RBFOX1: variants seen among roughly 807,000 people sequenced by gnomAD.
RBFOX1 encodes the protein RNA binding protein fox-1 homolog 1.
RBFOX1 carries 8 observed loss-of-function variants against 57.7 expected under a neutral mutation model. That is an observed-to-expected ratio of 0.14 (90% CI 0.08 to 0.25). The LOEUF (loss-of-function observed/expected upper bound fraction) is 0.25. Among genes scored for constraint, RBFOX1 ranks in the 10% least tolerant of loss-of-function variants. RBFOX1 has a pLI of 1.00. For synonymous variants in RBFOX1, 326 were observed against 222.4 expected (o/e 1.47, Z -4.15); for missense variants, 611 against 548.5 (o/e 1.11, Z -1.14).
rs142375965 is a variant in RBFOX1, at chr16:5,813,662, G to T, written c.319-53641G>T. On this transcript the variant is annotated intron_variant, in intron 3 of 19. Coordinates refer to the RBFOX1 transcript ENST00000641259. ...TTATATAACAGGGATCCTGTATCAG[G>T]TATGTGATTTGCAAATAGTTTATCT... Among the ~76,000 whole-genome samples the T allele has an allele frequency of 6.2e-3, 937 of 152,308 alleles. 11 individuals are homozygous for T. Among genetic ancestry groups the T allele is most frequent in the African/African-American group, 0.021 (860 of 41,552 alleles).
intron 4 of RBFOX1, among the ~76,000 whole-genome samples, chr16:5,952,584 G>A (rs2059543481): frequency 2.0e-5 from 3 of 152,168 alleles, no homozygotes; most frequent in Admixed American, 2.0e-4. Context: ...ACCATGCCCA[G>A]CCTATGTATA....
At chr16:7,525,475 T>A (rs2078487346) in intron 5 of RBFOX1, among the ~76,000 whole-genome samples, 1 of 152,128 alleles carries the variant, frequency 6.6e-6, no homozygotes, top group African/African-American at 2.4e-5. Context: ...TACATGGACT[T>A]AAGATGTGGA....
rs2063308296 is a variant in RBFOX1, at chr16:5,282,971, A to G, written c.219+42866A>G. 2.0e-5 allele frequency among the ~76,000 whole-genome samples: 3 copies of G among 152,150 alleles called. No individual in the cohort carries two copies. In the South Asian group the frequency reaches 6.2e-4, roughly 31 times the overall value. On this transcript the variant is annotated intron_variant, in intron 1 of 2. Transcript: ENST00000585867. The stretch of plus-strand genomic sequence containing the variant: ...CCCATCAAAGGCCCAGAGGCCTAGG[A>G]AGAAAAGATGGTTTTGTGGGCTGGA...
intron 4 of RBFOX1, among the ~76,000 whole-genome samples, chr16:5,967,871 C>T (rs780251696): frequency 6.6e-6 from 1 of 152,082 alleles, no homozygotes; most frequent in African/African-American, 2.4e-5. Context: ...TGGGGACTGG[C>T]TGTTTTGTTT....
rs572159904 is a variant in RBFOX1, at chr16:7,456,006, G to A, written c.28-62141G>A. Among the ~76,000 whole-genome samples, 5 of 152,126 alleles carry A rather than the reference G, an allele frequency of 3.3e-5. No individual in the cohort carries two copies. In the East Asian group the frequency reaches 9.7e-4, roughly 30 times the overall value. ...ATTAAGGGCAGGGCCAGCTTTAAGG[G>A]CACATTCCCTGCATGGTCATGCAGG... is the stretch of plus-strand genomic sequence containing the variant. On this transcript the variant is annotated intron_variant, in intron 4 of 15. Transcript: ENST00000550418.
intron 1 of RBFOX1, among the ~76,000 whole-genome samples, chr16:5,266,611 G>T (rs150579059): frequency 6.9e-6 from 1 of 145,372 alleles, no homozygotes; most frequent in African/African-American, 2.6e-5. Context: ...ACAGTGGCAC[G>T]ATCATGGCTC....
At chr16:5,964,555 A>G (rs926788816) in intron 4 of RBFOX1, among the ~76,000 whole-genome samples, 8 of 152,164 alleles carry the variant, frequency 5.3e-5, no homozygotes, top group Non-Finnish European at 7.4e-5. Flanking sequence ...ATATATATGT[A>G]TATGTGTATA....
intron 10 of RBFOX1, among the ~76,000 whole-genome samples, chr16:7,623,623 C>A (rs189276880): frequency 3.9e-4 from 59 of 152,278 alleles, no homozygotes; most frequent in Non-Finnish European, 5.9e-4. Context: ...AAGCTTTGCT[C>A]GCTCACCTGC....
rs1307389520 is a variant in RBFOX1, at chr16:6,010,218, T to G, written c.351+142883T>G. ...CTGACAACTCTCTTTGGTCGCTGAA[T>G]TCTGCTCAACCCATGTCCAAGGAAG... On this transcript the variant is annotated intron_variant, in intron 4 of 19. Transcript: ENST00000641259. Among the ~76,000 whole-genome samples, 10 of 152,252 alleles carry G rather than the reference T, an allele frequency of 6.6e-5. 1 individual carries two copies. The South Asian group carries it at 1.0e-3, about 16-fold the overall frequency.
intron 4 of RBFOX1, among the ~76,000 whole-genome samples, chr16:6,005,156 A>C (rs145122603): frequency 6.6e-6 from 1 of 152,348 alleles, no homozygotes; most frequent in African/African-American, 2.4e-5. Flanking sequence ...AGATTTGCTG[A>C]GAAAGTCACA....
chr16:6,209,117 T>C (rs1022616520), intron 1 of RBFOX1, among the ~76,000 whole-genome samples: 11 of 152,342 alleles, frequency 7.2e-5, no homozygotes, highest in Admixed American at 3.3e-4. Flanking sequence ...AGGACAAACC[T>C]GTGACAGGAG....
chr16:7,299,442 AGAG>A (rs1223257407), intron 4 of RBFOX1, among the ~76,000 whole-genome samples: 1 of 152,168 alleles, frequency 6.6e-6, no homozygotes, highest in Non-Finnish European at 1.5e-5. Context: ...CTAGAAAGCT[AGAG>A]GAGTTTGAGG....
intron 2 of RBFOX1, among the ~76,000 whole-genome samples, chr16:6,533,986 T>C (rs997434507): frequency 5.9e-5 from 9 of 152,090 alleles, no homozygotes; most frequent in South Asian, 2.1e-4. Flanking sequence ...TGTGTATATA[T>C]ACACACACAC....
intron 2 of RBFOX1, among the ~76,000 whole-genome samples, chr16:6,603,905 G>C (rs1004268041): frequency 6.6e-6 from 1 of 152,066 alleles, no homozygotes; most frequent in East Asian, 1.9e-4. Context: ...TTTGTGATGT[G>C]TCTCAGCTCT....
intron 1 of RBFOX1, among the ~76,000 whole-genome samples, chr16:6,159,760 G>T (rs1392348530): frequency 3.3e-5 from 5 of 152,196 alleles, no homozygotes; most frequent in Admixed American, 3.3e-4. Flanking sequence ...GCAGGGATGT[G>T]ATTTGGTTCC....
In RBFOX1 at chr16:5,254,930, C is replaced by T. The variant is rs9929357; in HGVS notation, c.219+14825C>T. ...CAAGTATTTGATAAGATCTCTGTCC[C>T]CACTGTTGGGGAAGTCTTGATAAGC... On this transcript the variant is annotated intron_variant, in intron 1 of 2. Transcript: ENST00000585867. Among the ~76,000 whole-genome samples the T allele has an allele frequency of 1.2e-3, 182 of 152,234 alleles. 1 individual carries two copies. Among genetic ancestry groups the T allele is most frequent in the African/African-American group, 4.2e-3 (175 of 41,514 alleles).
At chr16:6,729,662 G>C (rs1444104371) in intron 3 of RBFOX1, among the ~76,000 whole-genome samples, 1 of 152,104 alleles carries the variant, frequency 6.6e-6, no homozygotes. Context: ...CTTTAGACTT[G>C]CAACCCTTAA....
intron 2 of RBFOX1, among the ~76,000 whole-genome samples, chr16:6,495,086 A>G (rs1038913308): frequency 5.1e-4 from 77 of 152,156 alleles, no homozygotes; most frequent in African/African-American, 1.8e-3. Context: ...CATTTTAACC[A>G]CTAATCAATG....
intron 3 of RBFOX1, among the ~76,000 whole-genome samples, chr16:5,809,018 G>A (rs926294376): frequency 6.6e-6 from 1 of 152,076 alleles, no homozygotes; most frequent in African/African-American, 2.4e-5. Flanking sequence ...CCCTAACGCT[G>A]CGTATCTACA....
Sources: gnomAD v4.1 joint callset for allele counts (sites outside exome capture counted in the v4.1 genomes callset) on GRCh38, gnomAD v4.1.1 for gene constraint, MANE v1.5 for transcripts, NCBI Gene and HGNC (gene_info 2026-07-23, HGNC 2026-07-21) for gene names.